Variants in HEATR5B observed in about 807,000 individuals in gnomAD.
The protein encoded by HEATR5B is HEAT repeat-containing protein 5B.
Under a neutral mutation model 224.1 loss-of-function variants are expected in HEATR5B, and 156 were observed. The ratio of observed to expected loss-of-function variants is 0.70; its 90% CI spans 0.61 to 0.80. HEATR5B has a LOEUF of 0.80. Among genes scored for constraint, HEATR5B ranks in the 30% least tolerant of loss-of-function variants. HEATR5B has a pLI of 0.00. For synonymous variants in HEATR5B, 1,027 were observed against 893.0 expected, an observed-to-expected ratio of 1.15 and a Z score of -2.68; for missense variants, 2,323 against 2,535.5, an observed-to-expected ratio of 0.92 and a Z score of 1.80.
At chr2:37,077,071 A>G (rs1387430016) in intron 3 of HEATR5B, 52 bp from the exon 4 acceptor site, 1 of 1,394,710 alleles carries the variant, frequency 7.2e-7, no homozygotes, top group Admixed American at 2.0e-5. Flanking sequence ...TGATACAATT[A>G]TACTTTTCTC....
At chr2:37,048,216 G>A (rs1035787929) in intron 18 of HEATR5B, among the ~76,000 whole-genome samples, 4 of 147,568 alleles carry the variant, frequency 2.7e-5, no homozygotes, top group South Asian at 2.1e-4. Flanking sequence ...ACAGAGTTTC[G>A]CTCTGTCACC....
chr2:36,990,902 C>T, intron 33 of HEATR5B, 103 bp from the exon 34 acceptor site: 8 of 1,014,050 alleles, frequency 7.9e-6, no homozygotes, highest in Non-Finnish European at 1.1e-5. Flanking sequence ...GTTGTCCAGG[C>T]TGGTCTTGAA....
intron 8 of HEATR5B, among the ~76,000 whole-genome samples, chr2:37,068,059 T>TA (rs1432616598): frequency 3.9e-5 from 6 of 152,184 alleles, no homozygotes; most frequent in Non-Finnish European, 8.8e-5. Flanking sequence ...GTATTGCTTT[T>TA]ATATTTAGTT....
intron 20 of HEATR5B, among the ~76,000 whole-genome samples, chr2:37,039,679 G>A (rs1315950228): frequency 6.6e-6 from 1 of 152,166 alleles, no homozygotes; most frequent in Non-Finnish European, 1.5e-5. Flanking sequence ...TGACAAAGGA[G>A]AAAAAGGAAA....
chr2:36,986,548 A>G (rs1182507313), intron 35 of HEATR5B, among the ~76,000 whole-genome samples: 2 of 152,146 alleles, frequency 1.3e-5, no homozygotes, highest in East Asian at 3.8e-4. Context: ...AGAGGAAAAA[A>G]TTTTTAACAG....
At chr2:37,012,902 A>G (rs1228410686) in intron 27 of HEATR5B, among the ~76,000 whole-genome samples, 1 of 152,166 alleles carries the variant, frequency 6.6e-6, no homozygotes, top group Non-Finnish European at 1.5e-5. Flanking sequence ...ATGTGTTCCA[A>G]AACACTTTGT....
At position 37,079,361 on chromosome 2, in the gene HEATR5B, T is replaced by A. The variant is rs376795278; in HGVS notation, c.127-30A>T. The A allele has an allele frequency of 3.3e-5, 44 of 1,326,602 alleles. 2 individuals carry two copies. In the African/African-American group the frequency reaches 5.5e-4, roughly 17 times the overall value. The allele number at this position is 1,326,602 out of a possible 1,614,324, so 82.2% of individuals were successfully genotyped here. A position where few individuals can be genotyped will look rare whatever the true frequency, so the allele number is the denominator to read the frequency against. On this transcript the variant is annotated intron_variant, in intron 2 of 35. Coordinates refer to ENST00000233099, the MANE Select transcript of HEATR5B (RefSeq NM_019024.3). ...TACAAAAAAAATTTTTAAAAGAACATCATTAAAAATTTTTTTTGTTACCTT... is the reference window on the plus strand; with the variant it reads ...TACAAAAAAAATTTTTAAAAGAACAACATTAAAAATTTTTTTTGTTACCTT...
In HEATR5B at chr2:37,025,297, C is replaced by T. The variant is rs367945348; in HGVS notation, c.3853+2626G>A. Among the ~76,000 whole-genome samples, 50 of 151,996 alleles carry T rather than the reference C, an allele frequency of 3.3e-4. No homozygotes were observed. The East Asian group carries it at 7.0e-3, about 21-fold the overall frequency. On this transcript the variant is annotated intron_variant, in intron 24 of 35. Transcript: ENST00000233099. ...TGAACAACAGAGAACATGGGCAATCCACCTCCACACTGAGAGAAAATTCCA... is the reference window on the plus strand; with the variant it reads ...TGAACAACAGAGAACATGGGCAATCTACCTCCACACTGAGAGAAAATTCCA...
At chr2:36,996,462 G>A (rs1666720419) in intron 33 of HEATR5B, among the ~76,000 whole-genome samples, 1 of 149,468 alleles carries the variant, frequency 6.7e-6, no homozygotes, top group African/African-American at 2.5e-5. Context: ...TCTCGCCCAA[G>A]CTTGAGGGCA....
chr2:37,000,771 C>G lies in HEATR5B; in HGVS notation c.5360G>C (p.Arg1787Thr). 6.2e-7 allele frequency: 1 copy of G among 1,614,132 alleles called. No individual in the cohort carries two copies. Among genetic ancestry groups the G allele is most frequent in the Non-Finnish European group, 8.5e-7 (1 of 1,179,992 alleles). ...ILPTILFLIA[R>T]ILKDTAIKSA... ...CTTTATTGCTGTGTCTTTCAATATT[C>G]TTGCAATTAAGAACAGAATTGTGGG... The change falls in exon 33 of 36, where the codon AGA becomes ACA. Residue 1787 changes from arginine (R) to threonine (T), a missense_variant. Coordinates refer to ENST00000233099, the MANE Select transcript of HEATR5B (RefSeq NM_019024.3).
At chr2:37,012,156 A>C (rs761295371) in intron 27 of HEATR5B, among the ~76,000 whole-genome samples, 6 of 152,352 alleles carry the variant, frequency 3.9e-5, no homozygotes, top group Middle Eastern at 3.4e-3. Flanking sequence ...TTACCAGTCT[A>C]AACAGTTATA....
chr2:37,078,015 AG>A (rs1176752221), intron 3 of HEATR5B, among the ~76,000 whole-genome samples: 1 of 152,190 alleles, frequency 6.6e-6, no homozygotes, highest in East Asian at 1.9e-4. Context: ...TTTAGCTTAA[AG>A]GCAAAAGTAG....
chr2:37,029,696 A>G (rs2464700), intron 22 of HEATR5B, among the ~76,000 whole-genome samples: 138,636 of 151,972 alleles, frequency 0.91, 63,340 homozygotes, highest in East Asian at 1. Flanking sequence ...ATCCCAGCAC[A>G]TTGGGGGGCT....
intron 31 of HEATR5B, among the ~76,000 whole-genome samples, chr2:37,003,159 G>A (rs1014481873): frequency 2.0e-5 from 3 of 150,948 alleles, no homozygotes; most frequent in Non-Finnish European, 4.4e-5. Flanking sequence ...GGAGGCTGAG[G>A]TGGGAAGATC....
chr2:37,057,787 T>C (rs1358207350), intron 14 of HEATR5B, among the ~76,000 whole-genome samples: 5 of 152,058 alleles, frequency 3.3e-5, no homozygotes, highest in Non-Finnish European at 7.4e-5. Context: ...GGCAGGAGGA[T>C]TGCTTGAGCC....
intron 12 of HEATR5B, among the ~76,000 whole-genome samples, chr2:37,059,874 A>T (rs1461264985): frequency 6.6e-6 from 1 of 152,154 alleles, no homozygotes; most frequent in African/African-American, 2.4e-5. Context: ...TTAGCAATAG[A>T]GCCTAGACTA....
chr2:37,016,413 A>C (rs1668122628), intron 26 of HEATR5B, among the ~76,000 whole-genome samples: 1 of 151,986 alleles, frequency 6.6e-6, no homozygotes, highest in East Asian at 1.9e-4. Flanking sequence ...GCCCGGCCAC[A>C]TGTCCTTACT....
chr2:37,013,319 T>G (rs1183896721), intron 27 of HEATR5B, among the ~76,000 whole-genome samples: 1 of 151,346 alleles, frequency 6.6e-6, no homozygotes, highest in Non-Finnish European at 1.5e-5. Context: ...TTTAGAAAAA[T>G]GAATTTAAAA....
intron 7 of HEATR5B, 76 bp downstream of exon 7, chr2:37,070,154 C>A: frequency 7.2e-7 from 1 of 1,393,522 alleles, no homozygotes. Context: ...CCCGCCTTGG[C>A]CTCCAAAAAT....
Sources: gnomAD v4.1 joint callset for allele counts (sites outside exome capture counted in the v4.1 genomes callset) on GRCh38, gnomAD v4.1.1 for gene constraint, MANE v1.5 for transcripts, NCBI Gene and HGNC (gene_info 2026-07-23, HGNC 2026-07-21) for gene names.